The following LRP2 variants were observed in gnomAD, a reference collection of about 807,000 sequenced individuals.
LRP2 encodes the protein LDL receptor related protein 2.
Under a neutral mutation model 531.0 loss-of-function variants are expected in LRP2, and 172 were observed. That is an observed-to-expected ratio of 0.32 (90% CI 0.29 to 0.37). The LOEUF (loss-of-function observed/expected upper bound fraction) is 0.37, where lower values mean the gene tolerates loss of function less well. Ranked by LOEUF, LRP2 falls within the 10% of genes least tolerant of loss-of-function variation. LRP2 has a pLI of 1.00. For synonymous variants in LRP2, 1,992 were observed against 2,027.6 expected (o/e 0.98, Z 0.47); for missense variants, 5,167 against 5,868.3 (o/e 0.88, Z 3.90).
intron 65 of LRP2, 111 bp downstream of exon 65, chr2:169,156,163 A>G: frequency 6.7e-7 from 1 of 1,489,462 alleles, no homozygotes; most frequent in Non-Finnish European, 9.2e-7. Flanking sequence ...GTTTAAAAAA[A>G]AAGAAAGAAA....
intron 22 of LRP2, 124 bp downstream of exon 22, chr2:169,244,569 G>A: frequency 7.8e-7 from 1 of 1,278,820 alleles, no homozygotes; most frequent in East Asian, 2.3e-5. Context: ...TTGACAAGTG[G>A]AATAGAAGTA....
chr2:169,301,523 A>AAC (rs1553511429), intron 4 of LRP2, among the ~76,000 whole-genome samples: 11 of 151,972 alleles, frequency 7.2e-5, no homozygotes, highest in Non-Finnish European at 1.5e-4. Context: ...CACAGGTTTT[A>AAC]ATATATATAT....
At chr2:169,357,817 A>G (rs1417081950) in intron 1 of LRP2, among the ~76,000 whole-genome samples, 1 of 152,238 alleles carries the variant, frequency 6.6e-6, no homozygotes, top group Admixed American at 6.5e-5. Context: ...GTGTTCTTAC[A>G]GTGCCTGACT....
intron 3 of LRP2, among the ~76,000 whole-genome samples, chr2:169,314,242 A>T (rs1038362916): frequency 1.4e-5 from 2 of 139,442 alleles, no homozygotes; most frequent in Non-Finnish European, 3.1e-5. Flanking sequence ...TTAAAAGAAA[A>T]AAAAAATAAA....
At position 169,247,481 on chromosome 2, in the gene LRP2, G is replaced by C. The variant is rs150230676; in HGVS notation, c.2805C>G (p.Ala935=). Residue 935 remains alanine, a synonymous_variant, in exon 20 of 79, where the codon GCC becomes GCG. Coordinates refer to ENST00000649046, the MANE Select transcript of LRP2 (RefSeq NM_004525.3). ...CATCTGCTTTCCTGACTCGAATAAT[G>C]GCACCCAGTCTCCAGTCAGTAAAAA... ...HLFFTDWRLG[A]IIRVRKADGG... is the part of the protein sequence containing the mutation. The C allele has an allele frequency of 4.3e-6, 7 of 1,614,004 alleles. No homozygotes were observed. In the African/African-American group the frequency reaches 9.3e-5, roughly 22 times the overall value.
intron 4 of LRP2, among the ~76,000 whole-genome samples, chr2:169,298,171 C>A (rs997622982): frequency 6.6e-6 from 1 of 150,918 alleles, no homozygotes; most frequent in Non-Finnish European, 1.5e-5. Flanking sequence ...ACTTCAAGCG[C>A]TACCCACAAA....
Position 169,246,709 on chromosome 2 carries a change from T to C in LRP2, c.3186A>G (p.Thr1062=), listed in dbSNP as rs1690019100. The change falls in exon 21 of 79, where the codon ACA becomes ACG. Residue 1062 remains threonine (T), a synonymous_variant. Transcript: ENST00000649046. ...CGCCAGTGCATAGCTACTTACTAAG[T>C]GTGCCACATAGTTGCTCATCACTGT... The part of the protein sequence containing the change: ...HDNSDEQLCG[T]LNNTCSSSAF... 2 of 1,614,240 alleles carry C rather than the reference T, an allele frequency of 1.2e-6. No homozygotes were observed. Among genetic ancestry groups the C allele is most frequent in the South Asian group, 2.2e-5 (2 of 91,082 alleles).
At chr2:169,149,807 G>A (rs931880122) in intron 68 of LRP2, among the ~76,000 whole-genome samples, 9 of 151,078 alleles carry the variant, frequency 6.0e-5, no homozygotes, top group African/African-American at 2.0e-4. Context: ...CTGCACTCCA[G>A]CCTGGGCAAC....
At chr2:169,238,737 C>A (rs1689696562) in intron 26 of LRP2, among the ~76,000 whole-genome samples, 1 of 152,066 alleles carries the variant, frequency 6.6e-6, no homozygotes, top group Admixed American at 6.5e-5. Flanking sequence ...CCCAACACCC[C>A]CTCTCTTCTT....
In LRP2 at chr2:169,320,806, C is replaced by A. The variant is rs1684890156; in HGVS notation, c.158G>T (p.Cys53Phe). 1 of 1,614,050 alleles carries A rather than the reference C, an allele frequency of 6.2e-7. No individual in the cohort carries two copies. The highest frequency in any genetic ancestry group is 8.5e-7 in the Non-Finnish European group (1 of 1,180,000). ...GCCAATTTCATCCGCGTCATCTGAA[C>A]AGTCTTTGGTCCCATCACACCTCCA... ...ADWRCDGTKD[C>F]SDDADEIGCA... Residue 53 changes from cysteine to phenylalanine, a missense_variant, in exon 2 of 79, where the codon TGT (cysteine) becomes TTT (phenylalanine). By Grantham distance (205) the Cys-to-Phe change is radical (BLOSUM62 -2). This residue lies in a region of LRP2 where 2,811 missense variants were observed against 3,058.0 expected (regional missense o/e 0.92). Coordinates refer to ENST00000649046, the MANE Select transcript of LRP2 (RefSeq NM_004525.3).
At chr2:169,226,664 C>G in intron 31 of LRP2, 76 bp from the exon 32 acceptor site, 2 of 1,076,012 alleles carry the variant, frequency 1.9e-6, no homozygotes, top group South Asian at 2.6e-5. Flanking sequence ...AAGGCAATAG[C>G]CTGTTACCAT....
intron 19 of LRP2, among the ~76,000 whole-genome samples, chr2:169,249,849 C>A (rs1690148534): frequency 1.9e-5 from 1 of 53,380 alleles, no homozygotes; most frequent in Non-Finnish European, 3.3e-5. Context: ...AATGCAGAAG[C>A]CTCAGGAGCC....
At chr2:169,277,309 T>C (rs187367321) in intron 13 of LRP2, among the ~76,000 whole-genome samples, 2 of 152,008 alleles carry the variant, frequency 1.3e-5, no homozygotes, top group African/African-American at 4.8e-5. Flanking sequence ...ATTTGAAATA[T>C]ATAAGAGCAG....
chr2:169,323,351 G>A (rs906419370), intron 1 of LRP2, among the ~76,000 whole-genome samples: 2 of 152,114 alleles, frequency 1.3e-5, no homozygotes, highest in Non-Finnish European at 2.9e-5. Context: ...CTTTATCATT[G>A]CTGGGTGACC....
At position 169,139,594 on chromosome 2, in the gene LRP2, T is replaced by C; in HGVS notation, c.13216A>G (p.Thr4406Ala). 3 of 1,614,216 alleles carry C rather than the reference T, an allele frequency of 1.9e-6. No homozygotes were observed. The highest frequency in any genetic ancestry group is 2.5e-6 in the Non-Finnish European group (3 of 1,180,028). Residue 4406 changes from threonine (T) to alanine (A), a missense_variant, in exon 73 of 79, where the codon ACC (threonine) becomes GCC (alanine). By Grantham distance (58) the Thr-to-Ala change is moderately conservative (BLOSUM62 0). Coordinates refer to ENST00000649046, the MANE Select transcript of LRP2 (RefSeq NM_004525.3). ...LPKCKCPSGY[T>A]GKYCEMAFSK... ...AACGCCATTTCACAATATTTTCCGG[T>C]GTAGCCGCTAGGACACCTGAAAGGA...
intron 9 of LRP2, among the ~76,000 whole-genome samples, chr2:169,285,372 G>A (rs1035619208): frequency 3.3e-5 from 5 of 152,070 alleles, no homozygotes; most frequent in African/African-American, 1.2e-4. Context: ...GATCACTATA[G>A]AGGAATATGA....
intron 66 of LRP2, among the ~76,000 whole-genome samples, chr2:169,153,687 C>T (rs929767791): frequency 2.0e-5 from 3 of 152,018 alleles, no homozygotes; most frequent in African/African-American, 4.8e-5. Context: ...TTCAGAGAAT[C>T]GTTACAATTA....
chr2:169,316,587 A>G (rs1684769890), intron 3 of LRP2, among the ~76,000 whole-genome samples: 1 of 152,132 alleles, frequency 6.6e-6, no homozygotes, highest in Non-Finnish European at 1.5e-5. Context: ...TTCAGGAGGG[A>G]AGATGATTAT....
At chr2:169,242,609 A>G (rs549502619) in intron 24 of LRP2, among the ~76,000 whole-genome samples, 1 of 152,346 alleles carries the variant, frequency 6.6e-6, no homozygotes, top group Non-Finnish European at 1.5e-5. Context: ...GAAACTTAAA[A>G]GAAACCAGTA....
Sources: gnomAD v4.1 joint callset for allele counts (sites outside exome capture counted in the v4.1 genomes callset) on GRCh38, gnomAD v4.1.1 for gene constraint, gnomAD v4.1.1 regional missense constraint, MANE v1.5 for transcripts, NCBI Gene and HGNC (gene_info 2026-07-23, HGNC 2026-07-21) for gene names.